Variants in CCDC154 observed in about 807,000 individuals in gnomAD.
CCDC154 encodes the protein coiled-coil domain containing 154, also known as coiled-coil domain-containing protein 154.
Under a neutral mutation model 87.5 loss-of-function variants are expected in CCDC154, and 91 were observed. The observed-to-expected ratio is 1.04, with a 90% confidence interval of 0.88 to 1.24. The LOEUF (loss-of-function observed/expected upper bound fraction) is 1.24. Ranked by LOEUF, CCDC154 falls within the 50% of genes most tolerant of loss-of-function variation. The pLI is 0.00. For synonymous variants in CCDC154, 418 were observed against 400.4 expected (o/e 1.04, Z -0.52); for missense variants, 903 against 879.2 (o/e 1.03, Z -0.34).
chr16:1,439,205 C>T, intron 6 of CCDC154, 79 bp from the exon 7 acceptor site: 1 of 1,305,936 alleles, frequency 7.7e-7, no homozygotes, highest in South Asian at 1.3e-5. Flanking sequence ...TGGTCTCCAT[C>T]AGAGTTGGAG....
rs763880234 is a variant in CCDC154, at chr16:1,439,290, G to T, written c.676-164C>A. ...CCCTCAGCCGGAAGAAAGCCACGGC[G>T]GGCAGGACCACTCTGTACCCAGACG... On this transcript the variant is annotated intron_variant, in intron 6 of 16. Transcript: ENST00000389176. 15 of 641,294 alleles carry T rather than the reference G, an allele frequency of 2.3e-5. No homozygotes were observed. The South Asian group carries it at 2.6e-4, about 11-fold the overall frequency. 39.7% of individuals were successfully genotyped at this position (641,294 alleles called of 1,614,324 possible).
rs148718592 is a variant in CCDC154, at chr16:1,440,495, AAAGAG to A, written c.676-1374_676-1370del. ...AGAGAAGAGAAGAGAAGAGAACAGA[AAAGAG>A]AAGAGAAGAGAAGAGAAGAGAAAAA... is the stretch of plus-strand genomic sequence containing the variant. On this transcript the variant is annotated intron_variant, in intron 6 of 16. Transcript: ENST00000389176. 7.2e-3 allele frequency among the ~76,000 whole-genome samples: 1,075 copies of A among 149,730 alleles called. 7 individuals are homozygous for A. Among genetic ancestry groups the A allele is most frequent in the Middle Eastern group, 0.01 (3 of 292 alleles).
At chr16:1,442,293 T>G (rs1054472034) in intron 6 of CCDC154, 113 bp downstream of exon 6, 9 of 1,191,758 alleles carry the variant, frequency 7.6e-6, no homozygotes, top group South Asian at 1.7e-5. Context: ...CTGATTTCAG[T>G]GGACACAGAT....
At position 1,439,095 on chromosome 16, in the gene CCDC154, C is replaced by T. The variant is rs1228371732; in HGVS notation, c.707G>A (p.Ser236Asn). The change falls in exon 7 of 17, where the codon AGC becomes AAC. Residue 236 changes from serine to asparagine, a missense_variant. Coordinates refer to ENST00000389176, the MANE Select transcript of CCDC154 (RefSeq NM_001143980.3). Reference protein sequence around the residue: ...AQVTKLGEEVSLRFLKREAKL... With the variant: ...AQVTKLGEEVNLRFLKREAKL... ...GGCCTCCCTCTTCAGGAAGCGCAGG[C>T]TCACCTCTTCGCCGAGCTTGGTCAC... The T allele has an allele frequency of 3.9e-6, 6 of 1,550,108 alleles. No homozygotes were observed. Among genetic ancestry groups the T allele is most frequent in the Non-Finnish European group, 5.2e-6 (6 of 1,146,886 alleles).
intron 9 of CCDC154, 115 bp from the exon 10 acceptor site, chr16:1,438,291 G>C: frequency 1.5e-6 from 2 of 1,297,728 alleles, no homozygotes; most frequent in Non-Finnish European, 2.0e-6. Context: ...CCCTGGGATC[G>C]GAAGATGGGG....
At position 1,438,611 on chromosome 16, in the gene CCDC154, A is replaced by G. The variant is rs2038522874; in HGVS notation, c.1025+8T>C. On this transcript the variant is annotated splice_region_variant and intron_variant, in intron 9 of 16. Transcript: ENST00000389176. ...GCCTGACAGCACCTGAGGCCCCAGG[A>G]CACCCACCAGGCTTTCTCCTCGGCC... The G allele has an allele frequency of 6.5e-7, 1 of 1,548,596 alleles. No individual in the cohort carries two copies. The highest frequency in any genetic ancestry group is 8.7e-7 in the Non-Finnish European group (1 of 1,145,582).
intron 6 of CCDC154, among the ~76,000 whole-genome samples, chr16:1,440,126 C>T (rs997450590): frequency 6.6e-5 from 8 of 121,846 alleles, no homozygotes; most frequent in African/African-American, 9.4e-5. Context: ...CCAGCCTGGG[C>T]GACAGAGCGA....
intron 4 of CCDC154, 102 bp downstream of exon 4, chr16:1,443,159 C>CT: frequency 7.0e-7 from 1 of 1,425,350 alleles, no homozygotes; most frequent in East Asian, 2.5e-5. Context: ...CCCACTCCAG[C>CT]GACACCCAGC....
intron 15 of CCDC154, 88 bp from the exon 16 acceptor site, chr16:1,434,940 G>T: frequency 7.0e-7 from 1 of 1,430,046 alleles, no homozygotes; most frequent in Non-Finnish European, 9.2e-7. Context: ...CCGGGAGCCT[G>T]GAAGCCATTT....
intron 14 of CCDC154, 67 bp downstream of exon 14, chr16:1,435,902 G>C: frequency 7.4e-7 from 1 of 1,352,956 alleles, no homozygotes; most frequent in Non-Finnish European, 1.0e-6. Context: ...CTCTCCGCAC[G>C]GCTGCCCCGT....
chr16:1,438,747 G>A lies in CCDC154; in HGVS notation c.907-10C>T, dbSNP rs1421157913. 1.3e-6 allele frequency: 2 copies of A among 1,548,654 alleles called. No homozygotes were observed. Among genetic ancestry groups the A allele is most frequent in the Non-Finnish European group, 1.7e-6 (2 of 1,146,308 alleles). On this transcript the variant is annotated splice_polypyrimidine_tract_variant and intron_variant, in intron 8 of 16. Transcript: ENST00000389176. ...CCAGGAGGTGGCTCTCCTGCCAGGGGGTGGAGGCCGCCCTGAGACCTGCAC... is the reference window on the plus strand; with the variant it reads ...CCAGGAGGTGGCTCTCCTGCCAGGGAGTGGAGGCCGCCCTGAGACCTGCAC...
intron 6 of CCDC154, 107 bp downstream of exon 6, chr16:1,442,299 C>T (rs2038558605): frequency 4.0e-6 from 5 of 1,244,666 alleles, no homozygotes; most frequent in Non-Finnish European, 5.4e-6. Context: ...TCAGTGGACA[C>T]AGATACATGG....
chr16:1,440,062 G>A (rs1452702267), intron 6 of CCDC154, among the ~76,000 whole-genome samples: 1 of 149,662 alleles, frequency 6.7e-6, no homozygotes, highest in East Asian at 2.0e-4. Context: ...CAGGAGAATC[G>A]CTTGAACCCA....
chr16:1,434,827 C>G lies in CCDC154; in HGVS notation c.1718G>C (p.Trp573Ser). The stretch of plus-strand genomic sequence containing the variant: ...ACTCCACAGCCGGAGCACACTCTCC[C>G]ACAGGGTGGCCATCTCCTGCGTGCG... ...RLRTQEMATL[W>S]ESVLRLWSEE... Residue 573 changes from tryptophan (W) to serine (S), a missense_variant, in exon 16 of 17, where the codon TGG (tryptophan) becomes TCG (serine). Physicochemically the swap from Trp to Ser is radical, Grantham distance 177 (BLOSUM62 -3). Transcript: ENST00000389176. 1 of 1,525,956 alleles carries G rather than the reference C, an allele frequency of 6.6e-7. No homozygotes were observed. The highest frequency in any genetic ancestry group is 8.8e-7 in the Non-Finnish European group (1 of 1,139,186). The allele number at this position is 1,525,956 out of a possible 1,614,324, so 94.5% of individuals were successfully genotyped here.
Position 1,434,869 on chromosome 16 carries a change from C to G in CCDC154, c.1693-17G>C, listed in dbSNP as rs1006572998. ...CTGCGTGCGCTGTGGGACGGGGATG[C>G]TGGTGTCACCCAGGAGCCAGACCTC... On this transcript the variant is annotated splice_polypyrimidine_tract_variant and intron_variant, in intron 15 of 16. Coordinates refer to ENST00000389176, the MANE Select transcript of CCDC154 (RefSeq NM_001143980.3). The G allele has an allele frequency of 6.7e-7, 1 of 1,482,568 alleles. No individual in the cohort carries two copies. Among genetic ancestry groups the G allele is most frequent in the African/African-American group, 1.4e-5 (1 of 71,892 alleles). 91.8% of individuals were successfully genotyped at this position (1,482,568 alleles called of 1,614,324 possible).
chr16:1,439,280 A>C, intron 6 of CCDC154, 154 bp from the exon 7 acceptor site: 1 of 673,624 alleles, frequency 1.5e-6, no homozygotes, highest in East Asian at 2.7e-5. Context: ...AGCCGGAAGA[A>C]AGCCACGGCG....
chr16:1,439,506 C>A (rs1165567893), intron 6 of CCDC154, among the ~76,000 whole-genome samples: 2 of 151,920 alleles, frequency 1.3e-5, no homozygotes, highest in Non-Finnish European at 2.9e-5. Context: ...AGCCTTGGGG[C>A]CTTGTCTCCA....
In CCDC154 at chr16:1,442,966, C is replaced by T. The variant is rs569975859; in HGVS notation, c.465G>A (p.Glu155=). Residue 155 remains glutamate (E), a synonymous_variant, in exon 5 of 17, where the codon GAG becomes GAA. Coordinates refer to ENST00000389176, the MANE Select transcript of CCDC154 (RefSeq NM_001143980.3). ...TGAGCCGGGTCAAGGCTTCCCGGAC[C>T]TCCACCAGCCTGGGACACAACAAGC... ...QMQALDKRLV[E]VREALTRLRR... 14 of 1,550,050 alleles carry T rather than the reference C, an allele frequency of 9.0e-6. No individual in the cohort carries two copies. In the South Asian group the frequency reaches 1.4e-4, roughly 16 times the overall value.
rs146310503 is a variant in CCDC154 at position 1,442,842 on chromosome 16, G to A, written c.551+38C>T. 1.4e-4 allele frequency: 213 copies of A among 1,527,598 alleles called. 1 individual carries two copies. The African/African-American group carries it at 2.0e-3, about 15-fold the overall frequency. 94.6% of individuals were successfully genotyped at this position (1,527,598 alleles called of 1,614,324 possible). A position where few individuals can be genotyped will look rare whatever the true frequency, so the allele number is the denominator to read the frequency against. ...GCCAGGGACTCTCAAATGACCCCAC[G>A]CAAGCTCCGGAGCCAGCCACGGGCG... On this transcript the variant is annotated intron_variant, in intron 5 of 16. Coordinates refer to ENST00000389176, the MANE Select transcript of CCDC154 (RefSeq NM_001143980.3).
Sources: gnomAD v4.1 joint callset for allele counts (sites outside exome capture counted in the v4.1 genomes callset) on GRCh38, gnomAD v4.1.1 for gene constraint, MANE v1.5 for transcripts, NCBI Gene and HGNC (gene_info 2026-07-23, HGNC 2026-07-21) for gene names.